The following ABLIM1 variants were observed in gnomAD, a reference collection of about 807,000 sequenced individuals.
ABLIM1 encodes the protein actin binding LIM protein 1, also known as actin-binding LIM protein 1.
ABLIM1 carries 40 observed loss-of-function variants against 107.0 expected under a neutral mutation model. That is an observed-to-expected ratio of 0.37 (90% CI 0.29 to 0.49). ABLIM1 has a LOEUF of 0.49. Ranked by LOEUF, ABLIM1 falls within the 20% of genes least tolerant of loss-of-function variation. The probability of loss-of-function intolerance (pLI) is 0.97; values close to 1 mark genes in which losing one functional copy is unlikely to be tolerated. For synonymous variants in ABLIM1, 357 were observed against 357.3 expected (o/e 1.00, Z 0.01); for missense variants, 857 against 1,008.5 (o/e 0.85, Z 2.04).
chr10:114,558,799 G>A (rs2138182874), intron 4 of ABLIM1, among the ~76,000 whole-genome samples: 1 of 152,106 alleles, frequency 6.6e-6, no homozygotes, highest in East Asian at 1.9e-4. Flanking sequence ...TCCTGGGAAT[G>A]TAAAAGAGAT....
intron 6 of ABLIM1, among the ~76,000 whole-genome samples, chr10:114,508,590 T>C (rs1418319709): frequency 6.6e-6 from 1 of 152,134 alleles, no homozygotes; most frequent in Non-Finnish European, 1.5e-5. Flanking sequence ...CAGTCCTGGC[T>C]ACTCAGGAGG....
intron 6 of ABLIM1, among the ~76,000 whole-genome samples, chr10:114,515,474 AGT>A (rs908422287): frequency 2.0e-5 from 3 of 152,184 alleles, no homozygotes; most frequent in African/African-American, 7.2e-5. Flanking sequence ...TGAGTTCGTG[AGT>A]GTGAATGACA....
intron 1 of ABLIM1, among the ~76,000 whole-genome samples, chr10:114,674,549 A>C (rs1428338255): frequency 6.6e-6 from 1 of 152,172 alleles, no homozygotes; most frequent in African/African-American, 2.4e-5. Flanking sequence ...CGAAGTTGGG[A>C]AAATGTTTTG....
rs1186498615 is a variant in ABLIM1, at chr10:114,476,496, T to C, written c.1042-2540A>G. ...ATCTCTACTAAAAATACAATAAAAT[T>C]AACTGGGTGTGGTGGCAGGCACCTG... On this transcript the variant is annotated intron_variant, in intron 8 of 22. Coordinates refer to ENST00000533213, the MANE Select transcript of ABLIM1 (RefSeq NM_002313.7). 3.3e-5 allele frequency among the ~76,000 whole-genome samples: 5 copies of C among 151,570 alleles called. No homozygotes were observed. In the East Asian group the frequency reaches 9.7e-4, roughly 29 times the overall value.
At chr10:114,558,338 A>G (rs1000122173) in intron 4 of ABLIM1, among the ~76,000 whole-genome samples, 3 of 152,202 alleles carry the variant, frequency 2.0e-5, no homozygotes, top group African/African-American at 7.2e-5. Context: ...GCTTCTATGT[A>G]TGATGGTGAG....
chr10:114,445,425 C>T, intron 15 of ABLIM1, 22 bp from the exon 16 acceptor site: 1 of 1,594,322 alleles, frequency 6.3e-7, no homozygotes. Context: ...GCAAAGACAA[C>T]TTCTCACATC....
chr10:114,467,469 G>A (rs187254073), intron 11 of ABLIM1, among the ~76,000 whole-genome samples: 4 of 152,262 alleles, frequency 2.6e-5, no homozygotes, highest in Non-Finnish European at 4.4e-5. Context: ...ATGGCAAGGG[G>A]AAACTTTGGC....
At chr10:114,486,701 A>T (rs2058238898) in intron 8 of ABLIM1, among the ~76,000 whole-genome samples, 1 of 148,480 alleles carries the variant, frequency 6.7e-6, no homozygotes, top group Admixed American at 7.0e-5. Context: ...AATTATTCAG[A>T]GAAAAAGTGT....
chr10:114,597,433 C>T (rs1349372866), intron 2 of ABLIM1, among the ~76,000 whole-genome samples: 1 of 149,230 alleles, frequency 6.7e-6, no homozygotes, highest in Non-Finnish European at 1.5e-5. Context: ...TCCCATAAAC[C>T]TAAAACTGCT....
chr10:114,611,114 C>T (rs1346445916), intron 1 of ABLIM1, among the ~76,000 whole-genome samples: 1 of 151,382 alleles, frequency 6.6e-6, no homozygotes, highest in East Asian at 1.9e-4. Flanking sequence ...GATCGTGCCA[C>T]CACACTCCAG....
chr10:114,534,084 C>G (rs1303234026), intron 6 of ABLIM1, among the ~76,000 whole-genome samples: 2 of 152,174 alleles, frequency 1.3e-5, no homozygotes, highest in Non-Finnish European at 2.9e-5. Flanking sequence ...AAGATCACCT[C>G]TGTCGGGTAG....
upstream of ABLIM1, among the ~76,000 whole-genome samples, chr10:114,768,226 G>A (rs2082953845): frequency 6.7e-6 from 1 of 149,058 alleles, no homozygotes; most frequent in Non-Finnish European, 1.5e-5. Flanking sequence ...CCCGCTCCGC[G>A]CAGCAAGGCC....
At chr10:114,518,762 C>T (rs1400438348) in intron 6 of ABLIM1, among the ~76,000 whole-genome samples, 1 of 151,354 alleles carries the variant, frequency 6.6e-6, no homozygotes, top group Admixed American at 6.6e-5. Context: ...CAGAGAAGTA[C>T]AAACAAGTGT....
At chr10:114,566,880 C>T (rs1022970826) in intron 4 of ABLIM1, among the ~76,000 whole-genome samples, 1 of 152,170 alleles carries the variant, frequency 6.6e-6, no homozygotes, top group South Asian at 2.1e-4. Flanking sequence ...GAAACAACAT[C>T]TCTACTAAAA....
intron 1 of ABLIM1, among the ~76,000 whole-genome samples, chr10:114,624,722 AT>A (rs1040197748): frequency 9.1e-4 from 138 of 151,818 alleles, no homozygotes; most frequent in African/African-American, 3.1e-3. Context: ...CTGGATAAAC[AT>A]TTTTTAGACA....
At chr10:114,759,409 T>C (rs540067837) in intron 1 of ABLIM1, among the ~76,000 whole-genome samples, 10 of 152,268 alleles carry the variant, frequency 6.6e-5, no homozygotes, top group Admixed American at 5.9e-4. Flanking sequence ...ATAATGAAGG[T>C]CCCAAAGGCA....
intron 1 of ABLIM1, among the ~76,000 whole-genome samples, chr10:114,667,265 A>C (rs1336347242): frequency 1.3e-5 from 2 of 152,196 alleles, no homozygotes; most frequent in Non-Finnish European, 2.9e-5. Flanking sequence ...CCATTTCTAA[A>C]ATCAGATTTT....
chr10:114,772,279 A>G (rs2083033314), upstream of ABLIM1, among the ~76,000 whole-genome samples: 1 of 152,146 alleles, frequency 6.6e-6, no homozygotes, highest in Non-Finnish European at 1.5e-5. Context: ...TCCCGAGAGA[A>G]GCAAACTAAA....
intron 6 of ABLIM1, among the ~76,000 whole-genome samples, chr10:114,517,241 C>T (rs2062987418): frequency 6.6e-6 from 1 of 152,098 alleles, no homozygotes; most frequent in African/African-American, 2.4e-5. Flanking sequence ...CAGGTGGGCC[C>T]TGAATCCAAT....
Sources: gnomAD v4.1 joint callset for allele counts (sites outside exome capture counted in the v4.1 genomes callset) on GRCh38, gnomAD v4.1.1 for gene constraint, MANE v1.5 for transcripts, NCBI Gene and HGNC (gene_info 2026-07-23, HGNC 2026-07-21) for gene names.